Variants in PLEKHM3 observed in about 807,000 individuals in gnomAD.
PLEKHM3 encodes pleckstrin homology domain-containing family M member 3.
Under a neutral mutation model 81.8 loss-of-function variants are expected in PLEKHM3, and 45 were observed. The ratio of observed to expected loss-of-function variants is 0.55; its 90% CI spans 0.43 to 0.71. The LOEUF is 0.71. Among genes scored for constraint, PLEKHM3 ranks in the 30% least tolerant of loss-of-function variants. The pLI is 0.00. For synonymous variants in PLEKHM3, 352 were observed against 356.4 expected (o/e 0.99, Z 0.14); for missense variants, 788 against 924.3 (o/e 0.85, Z 1.91).
intron 7 of PLEKHM3, among the ~76,000 whole-genome samples, chr2:207,840,438 C>A (rs1050117538): frequency 1.3e-5 from 2 of 152,226 alleles, no homozygotes; most frequent in African/African-American, 4.8e-5. Context: ...CTCAATGGAT[C>A]TCCTGCCTTG....
chr2:207,987,080 C>A (rs552234078), intron 2 of PLEKHM3, among the ~76,000 whole-genome samples: 1 of 152,140 alleles, frequency 6.6e-6, no homozygotes, highest in African/African-American at 2.4e-5. Context: ...ATGGCCAATA[C>A]AAATAATCTG....
At chr2:208,000,211 C>T (rs1692250449) in intron 2 of PLEKHM3, among the ~76,000 whole-genome samples, 1 of 152,198 alleles carries the variant, frequency 6.6e-6, no homozygotes, top group Non-Finnish European at 1.5e-5. Context: ...TTCCTTGTTA[C>T]TGCTGGCTAT....
At chr2:207,982,554 G>A (rs964183011) in intron 2 of PLEKHM3, among the ~76,000 whole-genome samples, 4 of 151,238 alleles carry the variant, frequency 2.6e-5, no homozygotes, top group African/African-American at 9.7e-5. Flanking sequence ...ATAGGTGTGA[G>A]CCACTGTGTC....
At chr2:207,985,983 G>A (rs11689308) in intron 2 of PLEKHM3, among the ~76,000 whole-genome samples, 35,528 of 123,946 alleles carry the variant, frequency 0.29, 5,402 homozygotes, top group Admixed American at 0.42. Context: ...GCGAGACTCC[G>A]TCTCAAAAAA....
chr2:207,923,819 A>C (rs1366475082), intron 5 of PLEKHM3, among the ~76,000 whole-genome samples: 1 of 145,970 alleles, frequency 6.9e-6, no homozygotes, highest in Non-Finnish European at 1.5e-5. Flanking sequence ...GACCACATGG[A>C]TATATATACA....
chr2:207,902,788 A>T (rs1688474590), intron 6 of PLEKHM3, among the ~76,000 whole-genome samples: 1 of 151,832 alleles, frequency 6.6e-6, no homozygotes, highest in South Asian at 2.1e-4. Flanking sequence ...ATGTATGAAC[A>T]TATGTACATA....
chr2:207,994,736 T>C (rs1300312290), intron 2 of PLEKHM3, among the ~76,000 whole-genome samples: 3 of 152,214 alleles, frequency 2.0e-5, no homozygotes, highest in African/African-American at 7.2e-5. Flanking sequence ...TAGATCTATT[T>C]CTTCCCATCA....
At chr2:207,926,264 T>C (rs2718670) in intron 5 of PLEKHM3, among the ~76,000 whole-genome samples, 3,659 of 152,278 alleles carry the variant, frequency 0.024, 52 homozygotes, top group Middle Eastern at 0.054. Flanking sequence ...AGCTTCACTT[T>C]GTGTGTGCAT....
intron 5 of PLEKHM3, among the ~76,000 whole-genome samples, chr2:207,912,820 G>A (rs1168087063): frequency 1.3e-5 from 2 of 152,242 alleles, no homozygotes; most frequent in African/African-American, 4.8e-5. Context: ...GATAACTTAC[G>A]CACACTGCCA....
At chr2:207,988,974 C>T (rs747463966) in intron 2 of PLEKHM3, among the ~76,000 whole-genome samples, 1 of 152,198 alleles carries the variant, frequency 6.6e-6, no homozygotes, top group Non-Finnish European at 1.5e-5. Flanking sequence ...CTCAATTTTT[C>T]ACCTCAAAAG....
chr2:207,847,460 A>C (rs1395712791), intron 7 of PLEKHM3, among the ~76,000 whole-genome samples: 2 of 152,232 alleles, frequency 1.3e-5, no homozygotes, highest in African/African-American at 4.8e-5. Context: ...GTCAGAGCTG[A>C]AGAAGGGTCA....
intron 7 of PLEKHM3, among the ~76,000 whole-genome samples, chr2:207,846,708 G>A (rs946055768): frequency 1.3e-5 from 2 of 151,002 alleles, no homozygotes; most frequent in African/African-American, 4.9e-5. Context: ...GGATGACAGA[G>A]CCAGATCCTG....
At chr2:207,909,027 A>G (rs530269149) in intron 5 of PLEKHM3, among the ~76,000 whole-genome samples, 20 of 152,242 alleles carry the variant, frequency 1.3e-4, no homozygotes, top group African/African-American at 4.6e-4. Flanking sequence ...TTGATCTTGG[A>G]TTTCAGAAAA....
intron 1 of PLEKHM3, among the ~76,000 whole-genome samples, chr2:208,011,701 C>T (rs1692697920): frequency 6.6e-6 from 1 of 150,624 alleles, no homozygotes; most frequent in African/African-American, 2.4e-5. Context: ...TCTCACAAGT[C>T]ACCACTAAAG....
At chr2:207,989,282 AG>A (rs1691821135) in intron 2 of PLEKHM3, among the ~76,000 whole-genome samples, 1 of 152,246 alleles carries the variant, frequency 6.6e-6, no homozygotes, top group African/African-American at 2.4e-5. Context: ...TGCAATATGC[AG>A]CATAAAGTAC....
chr2:207,846,273 C>T (rs371091376), intron 7 of PLEKHM3, among the ~76,000 whole-genome samples: 26 of 152,174 alleles, frequency 1.7e-4, no homozygotes, highest in African/African-American at 6.0e-4. Flanking sequence ...TCTCAAGTAG[C>T]TGGGATTACA....
intron 2 of PLEKHM3, among the ~76,000 whole-genome samples, chr2:207,984,573 G>C (rs1400365618): frequency 6.6e-6 from 1 of 152,130 alleles, no homozygotes; most frequent in African/African-American, 2.4e-5. Context: ...TAGAGACAGA[G>C]TTTCACCATG....
At chr2:207,980,239 C>T (rs1050721576) in intron 2 of PLEKHM3, among the ~76,000 whole-genome samples, 1 of 152,132 alleles carries the variant, frequency 6.6e-6, no homozygotes, top group South Asian at 2.1e-4. Flanking sequence ...ATAACAGCTC[C>T]CAGGAATTAA....
chr2:208,017,666 T>C (rs1276185776), intron 1 of PLEKHM3, among the ~76,000 whole-genome samples: 1 of 152,230 alleles, frequency 6.6e-6, no homozygotes, highest in Non-Finnish European at 1.5e-5. Flanking sequence ...AAACTTGTTC[T>C]TTATGCTTTC....
Sources: allele counts gnomAD v4.1 joint callset (sites outside exome capture counted in the v4.1 genomes callset), GRCh38; gene constraint gnomAD v4.1.1; transcripts MANE v1.5; gene names NCBI Gene and HGNC (gene_info 2026-07-23, HGNC 2026-07-21).